ASAP1: variants seen among roughly 807,000 people sequenced by gnomAD.
ASAP1 encodes ArfGAP with SH3 domain, ankyrin repeat and PH domain 1, also known as arf-GAP with SH3 domain, ANK repeat and PH domain-containing protein 1.
Under a neutral mutation model 145.2 loss-of-function variants are expected in ASAP1, and 43 were observed. That is an observed-to-expected ratio of 0.30 (90% CI 0.23 to 0.38). ASAP1 has a LOEUF of 0.38. Among genes scored for constraint, ASAP1 ranks in the 10% least tolerant of loss-of-function variants. ASAP1 has a pLI of 1.00. For missense variants in ASAP1, 1,018 were observed against 1,355.3 expected, an observed-to-expected ratio of 0.75 and a Z score of 3.91; for synonymous variants, 546 against 515.5, an observed-to-expected ratio of 1.06 and a Z score of -0.80.
chr8:130,207,581 C>A (rs1198830817), intron 5 of ASAP1, among the ~76,000 whole-genome samples: 1 of 151,998 alleles, frequency 6.6e-6, no homozygotes, highest in Non-Finnish European at 1.5e-5. Context: ...ACCCTTTTTA[C>A]AAAAATGAAG....
At chr8:130,116,160 T>G (rs904932317) in intron 22 of ASAP1, among the ~76,000 whole-genome samples, 10 of 152,178 alleles carry the variant, frequency 6.6e-5, no homozygotes, top group African/African-American at 2.4e-4. Flanking sequence ...GCCCAACTGG[T>G]GGGCCTGGAA....
intron 2 of ASAP1, among the ~76,000 whole-genome samples, chr8:130,379,626 A>G (rs1323970727): frequency 6.6e-6 from 1 of 152,050 alleles, no homozygotes; most frequent in Non-Finnish European, 1.5e-5. Flanking sequence ...AAAATTGGAG[A>G]ATTGCTTGGT....
At chr8:130,152,714 G>T in intron 13 of ASAP1, 22 bp downstream of exon 13, 1 of 1,586,738 alleles carries the variant, frequency 6.3e-7, no homozygotes, top group Non-Finnish European at 8.6e-7. Context: ...ATGAGGCAGG[G>T]TAAATTAAGA....
At chr8:130,401,132 T>G (rs1828778497) in intron 2 of ASAP1, among the ~76,000 whole-genome samples, 1 of 152,188 alleles carries the variant, frequency 6.6e-6, no homozygotes, top group South Asian at 2.1e-4. Flanking sequence ...TTCTCCCGCC[T>G]CGGCCTCCCA....
chr8:130,300,149 C>CAGAGAGAGAG (rs1248977728), intron 3 of ASAP1, among the ~76,000 whole-genome samples: 88 of 88,698 alleles, frequency 9.9e-4, no homozygotes, highest in African/African-American at 3.8e-3. Flanking sequence ...CACACACACA[C>CAGAGAGAGAG]ACACAGAGAG....
intron 3 of ASAP1, among the ~76,000 whole-genome samples, chr8:130,253,137 T>C (rs7816822): frequency 0.02 from 3,045 of 152,258 alleles, 48 homozygotes; most frequent in East Asian, 0.064. Flanking sequence ...AGCTACCAAC[T>C]AGATGCTGGA....
chr8:130,314,470 GT>G (rs1385462785), intron 3 of ASAP1, among the ~76,000 whole-genome samples: 1 of 152,210 alleles, frequency 6.6e-6, no homozygotes, highest in Non-Finnish European at 1.5e-5. Context: ...GTAACAAATT[GT>G]CCAAAAACTA....
chr8:130,111,786 C>T (rs2097547321), intron 24 of ASAP1, among the ~76,000 whole-genome samples: 1 of 152,174 alleles, frequency 6.6e-6, no homozygotes, highest in Admixed American at 6.5e-5. Context: ...TGACCTTGGG[C>T]TGGTCAGTGT....
At chr8:130,215,215 C>G (rs1213879563) in intron 4 of ASAP1, among the ~76,000 whole-genome samples, 1 of 152,032 alleles carries the variant, frequency 6.6e-6, no homozygotes, top group Non-Finnish European at 1.5e-5. Context: ...CTTTTTCTTT[C>G]ATAGAATTTA....
intron 3 of ASAP1, among the ~76,000 whole-genome samples, chr8:130,271,772 CAT>C (rs1400262435): frequency 9.2e-5 from 14 of 152,286 alleles, no homozygotes; most frequent in African/African-American, 2.6e-4. Flanking sequence ...TACATTTTCA[CAT>C]AGTCATCCCT....
chr8:130,129,933 T>C (rs2097580554), intron 15 of ASAP1, among the ~76,000 whole-genome samples: 1 of 152,200 alleles, frequency 6.6e-6, no homozygotes, highest in African/African-American at 2.4e-5. Context: ...AGTTAGAAAC[T>C]AGAAATTGTT....
chr8:130,242,329 C>T (rs114538213), intron 3 of ASAP1, among the ~76,000 whole-genome samples: 2 of 146,862 alleles, frequency 1.4e-5, no homozygotes, highest in African/African-American at 5.0e-5. Flanking sequence ...AAAGGGCTTC[C>T]ATTGTATTGC....
At chr8:130,373,785 TG>T in intron 2 of ASAP1, among the ~76,000 whole-genome samples, 1 of 141,658 alleles carries the variant, frequency 7.1e-6, no homozygotes, top group East Asian at 2.0e-4. Flanking sequence ...AGGCAGAGGT[TG>T]CAGTGAGCCG....
At chr8:130,278,957 C>CA (rs1266277395) in intron 3 of ASAP1, among the ~76,000 whole-genome samples, 1 of 152,186 alleles carries the variant, frequency 6.6e-6, no homozygotes, top group African/African-American at 2.4e-5. Flanking sequence ...ACAATCCTTA[C>CA]AGACAAGCAA....
At chr8:130,186,631 G>C (rs567913504) in intron 7 of ASAP1, among the ~76,000 whole-genome samples, 1 of 152,276 alleles carries the variant, frequency 6.6e-6, no homozygotes, top group South Asian at 2.1e-4. Context: ...TCTGACTTCA[G>C]TGCCCATGCT....
At chr8:130,076,226 T>G in intron 27 of ASAP1, 122 bp downstream of exon 27, 1 of 611,276 alleles carries the variant, frequency 1.6e-6, no homozygotes, top group Non-Finnish European at 2.8e-6. Flanking sequence ...ATCCACTACA[T>G]GCCAGGTGCT....
At chr8:130,308,083 C>T (rs1400860808) in intron 3 of ASAP1, among the ~76,000 whole-genome samples, 2 of 152,190 alleles carry the variant, frequency 1.3e-5, no homozygotes, top group African/African-American at 4.8e-5. Context: ...AATGTTATCA[C>T]AAGCTCCTTC....
chr8:130,082,959 G>A (rs1016958300), intron 25 of ASAP1: 3 of 152,092 alleles, frequency 2.0e-5, no homozygotes, highest in East Asian at 1.9e-4. Context: ...CAATCAAAAC[G>A]TCAAGGAAAA....
At chr8:130,276,751 CT>C in intron 3 of ASAP1, among the ~76,000 whole-genome samples, 1 of 151,138 alleles carries the variant, frequency 6.6e-6, no homozygotes, top group Non-Finnish European at 1.5e-5. Flanking sequence ...CTCTCTCTCT[CT>C]CTCTCTCTCC....
Sources: gnomAD v4.1 joint callset for allele counts (sites outside exome capture counted in the v4.1 genomes callset) on GRCh38, gnomAD v4.1.1 for gene constraint, MANE v1.5 for transcripts, NCBI Gene and HGNC (gene_info 2026-07-23, HGNC 2026-07-21) for gene names.